The following ANTXR1 variants were observed in gnomAD, a reference collection of about 807,000 sequenced individuals.
ANTXR1 encodes anthrax toxin receptor 1.
ANTXR1 carries 19 observed loss-of-function variants against 78.1 expected under a neutral mutation model. That is an observed-to-expected ratio of 0.24 (90% CI 0.17 to 0.36). ANTXR1 has a LOEUF of 0.36. Ranked by LOEUF, ANTXR1 falls within the 10% of genes least tolerant of loss-of-function variation. The probability of loss-of-function intolerance (pLI) is 1.00; values close to 1 mark genes in which losing one functional copy is unlikely to be tolerated. For synonymous variants in ANTXR1, 273 were observed against 260.5 expected, an observed-to-expected ratio of 1.05 and a Z score of -0.46; for missense variants, 518 against 718.6, an observed-to-expected ratio of 0.72 and a Z score of 3.19.
intron 1 of ANTXR1, among the ~76,000 whole-genome samples, chr2:69,015,246 A>G (rs1670987993): frequency 6.6e-6 from 1 of 150,534 alleles, no homozygotes; most frequent in Non-Finnish European, 1.5e-5. Context: ...TAAGAATTTA[A>G]CAAAATGATT....
rs186290263 is a variant in ANTXR1 at position 69,110,718 on chromosome 2, C to T, written c.802+7778C>T. ...CACTAAAAATAGAAAAAAATTCAGC[C>T]AGGCATGGTGGTGCGCACCTGTAGT... On this transcript the variant is annotated intron_variant, in intron 10 of 17. Transcript: ENST00000303714. 3.0e-3 allele frequency among the ~76,000 whole-genome samples: 455 copies of T among 152,074 alleles called. 3 individuals are homozygous for T. Among genetic ancestry groups the T allele is most frequent in the African/African-American group, 0.011 (449 of 41,484 alleles).
chr2:69,203,442 C>G (rs1674821579), intron 17 of ANTXR1, among the ~76,000 whole-genome samples: 1 of 152,180 alleles, frequency 6.6e-6, no homozygotes. Context: ...TCAAAACACT[C>G]TCTGTCCACA....
chr2:69,240,806 A>G (rs1371544438), intron 17 of ANTXR1, among the ~76,000 whole-genome samples: 1 of 148,024 alleles, frequency 6.8e-6, no homozygotes, highest in Non-Finnish European at 1.5e-5. Context: ...TAGGTGTGAG[A>G]CTTTAGTTTT....
At chr2:69,046,778 G>A (rs535060431) in intron 3 of ANTXR1, among the ~76,000 whole-genome samples, 18 of 152,232 alleles carry the variant, frequency 1.2e-4, no homozygotes, top group African/African-American at 3.9e-4. Flanking sequence ...TGTTTTAGTT[G>A]GGCACAGGAA....
In ANTXR1 at chr2:69,142,554, A is replaced by G. The variant is rs971257468; in HGVS notation, c.952-9615A>G. Among the ~76,000 whole-genome samples, 6 of 152,216 alleles carry G rather than the reference A, an allele frequency of 3.9e-5. No homozygotes were observed. The South Asian group carries it at 6.2e-4, about 16-fold the overall frequency. ...TTTACTGGTCTCTGTTTCCCACTCA[A>G]TGACAAGGGCCATGATTGGCAAAAC... On this transcript the variant is annotated intron_variant, in intron 12 of 17. Transcript: ENST00000303714.
intron 1 of ANTXR1, among the ~76,000 whole-genome samples, chr2:69,028,409 C>A (rs1671423277): frequency 6.6e-6 from 1 of 152,024 alleles, no homozygotes; most frequent in East Asian, 1.9e-4. Context: ...CACAATTAAT[C>A]TTTTATGATG....
At chr2:69,034,333 T>C (rs988079258) in intron 1 of ANTXR1, among the ~76,000 whole-genome samples, 1 of 152,180 alleles carries the variant, frequency 6.6e-6, no homozygotes, top group African/African-American at 2.4e-5. Flanking sequence ...GACTCTGGTT[T>C]TGAGTGGACC....
At chr2:69,149,694 G>A (rs994733752) in intron 12 of ANTXR1, among the ~76,000 whole-genome samples, 3 of 152,162 alleles carry the variant, frequency 2.0e-5, no homozygotes, top group African/African-American at 7.2e-5. Flanking sequence ...TAGAGGGAGA[G>A]CGAGTTCCAG....
rs1479953302 is a variant in ANTXR1 at position 69,040,124 on chromosome 2, C to T, written c.224+9C>T. On this transcript the variant is annotated intron_variant, in intron 2 of 17. Coordinates refer to ENST00000303714, the MANE Select transcript of ANTXR1 (RefSeq NM_032208.3). ...GCTCACAAATTCATCAGGTGAGAAACACTATGCATTTTGTTCACTTGTAGT... is the reference window on the plus strand; with the variant it reads ...GCTCACAAATTCATCAGGTGAGAAATACTATGCATTTTGTTCACTTGTAGT... 6.2e-7 allele frequency: 1 copy of T among 1,611,502 alleles called. No individual in the cohort carries two copies. The highest frequency in any genetic ancestry group is 8.5e-7 in the Non-Finnish European group (1 of 1,178,034).
chr2:69,153,294 C>A (rs1673444900), intron 13 of ANTXR1, among the ~76,000 whole-genome samples: 1 of 152,118 alleles, frequency 6.6e-6, no homozygotes, highest in Non-Finnish European at 1.5e-5. Flanking sequence ...GTGTGTACAG[C>A]TCAACTGAAC....
intron 12 of ANTXR1, chr2:69,145,802 GC>G: frequency 1.0e-6 from 1 of 990,582 alleles, no homozygotes; most frequent in Non-Finnish European, 1.2e-6. Context: ...TCATCCAGAG[GC>G]CTGGTTCTCT....
chr2:69,183,582 T>A (rs918384987), intron 16 of ANTXR1, among the ~76,000 whole-genome samples: 4 of 139,602 alleles, frequency 2.9e-5, no homozygotes, highest in Admixed American at 2.8e-4. Context: ...TTGTTTTTTT[T>A]TTTTTTTTTT....
At chr2:69,078,403 C>T (rs1670802955) in intron 8 of ANTXR1, among the ~76,000 whole-genome samples, 1 of 152,192 alleles carries the variant, frequency 6.6e-6, no homozygotes. Flanking sequence ...GGATCACTTT[C>T]CTCTTAAGAC....
chr2:69,165,510 A>G (rs1289697876), intron 13 of ANTXR1, among the ~76,000 whole-genome samples: 1 of 152,250 alleles, frequency 6.6e-6, no homozygotes, highest in African/African-American at 2.4e-5. Context: ...TCCCAGTCAC[A>G]GAGTGAGGAG....
chr2:69,115,327 C>T (rs1672108000), intron 10 of ANTXR1, among the ~76,000 whole-genome samples: 1 of 152,262 alleles, frequency 6.6e-6, no homozygotes, highest in Admixed American at 6.5e-5. Context: ...GGTTGCAAGA[C>T]TCACTCAGTT....
intron 9 of ANTXR1, among the ~76,000 whole-genome samples, chr2:69,099,845 A>C (rs1573876365): frequency 6.6e-6 from 1 of 152,228 alleles, no homozygotes; most frequent in Admixed American, 6.5e-5. Flanking sequence ...CAATGAGCTC[A>C]TCCTGAGACT....
intron 3 of ANTXR1, among the ~76,000 whole-genome samples, chr2:69,058,775 T>A (rs1670146924): frequency 6.6e-6 from 1 of 152,218 alleles, no homozygotes; most frequent in African/African-American, 2.4e-5. Context: ...CAAAGTAGAT[T>A]GAAAACCTTT....
intron 1 of ANTXR1, among the ~76,000 whole-genome samples, chr2:69,016,837 A>G (rs186207285): frequency 1.3e-5 from 2 of 152,354 alleles, no homozygotes; most frequent in Admixed American, 1.3e-4. Context: ...AATCATGTCA[A>G]GTGGGTCTCT....
At position 69,247,678 on chromosome 2, in the gene ANTXR1, G is replaced by A. The variant is rs539594041; in HGVS notation, c.*2193G>A. The stretch of plus-strand genomic sequence containing the variant: ...AGAATGGGTTCCCCAGGCTCACAGT[G>A]TAGAGACATTGAGCCCATCACAACT... On this transcript the variant is annotated 3_prime_UTR_variant, in exon 18 of 18. Transcript: ENST00000303714. 2 of 152,672 alleles carry A rather than the reference G, an allele frequency of 1.3e-5. No individual in the cohort carries two copies. Among genetic ancestry groups the A allele is most frequent in the South Asian group, 2.1e-4 (1 of 4,826 alleles). The allele number at this position is 152,672 out of a possible 1,614,324, so 9.5% of individuals were successfully genotyped here. A position where few individuals can be genotyped will look rare whatever the true frequency, so the allele number is the denominator to read the frequency against.
Sources: allele counts gnomAD v4.1 joint callset (sites outside exome capture counted in the v4.1 genomes callset), GRCh38; gene constraint gnomAD v4.1.1; transcripts MANE v1.5; gene names NCBI Gene and HGNC (gene_info 2026-07-23, HGNC 2026-07-21).